DGKI: variants seen among roughly 807,000 people sequenced by gnomAD.
The protein encoded by DGKI is diacylglycerol kinase iota, also known as DAG kinase iota.
A neutral mutation model predicts 147.5 loss-of-function variants in DGKI; 55 were observed. That is an observed-to-expected ratio of 0.37 (90% CI 0.30 to 0.47). The LOEUF is 0.47. DGKI is among the 20% of genes least tolerant of loss of function. The probability of loss-of-function intolerance (pLI) is 1.00; values close to 1 mark genes in which losing one functional copy is unlikely to be tolerated. For missense variants in DGKI, 1,007 were observed against 1,323.8 expected (o/e 0.76, Z 3.71); for synonymous variants, 469 against 477.1 (o/e 0.98, Z 0.22).
At chr7:137,773,364 A>C (rs980642346) in intron 1 of DGKI, among the ~76,000 whole-genome samples, 2 of 152,210 alleles carry the variant, frequency 1.3e-5, no homozygotes, top group African/African-American at 4.8e-5. Context: ...AGAAGATACT[A>C]TCAGGCGTTT....
At chr7:137,629,241 T>C (rs887365953) in intron 6 of DGKI, among the ~76,000 whole-genome samples, 1 of 152,222 alleles carries the variant, frequency 6.6e-6, no homozygotes, top group Non-Finnish European at 1.5e-5. Flanking sequence ...AAAAAGTACT[T>C]TTATGTATTT....
At chr7:137,653,290 T>C (rs1822102809) in intron 5 of DGKI, among the ~76,000 whole-genome samples, 1 of 152,262 alleles carries the variant, frequency 6.6e-6, no homozygotes, top group Admixed American at 6.5e-5. Context: ...TCACCATTAT[T>C]TCTTGCCTAG....
At chr7:137,414,743 C>T (rs1440360629) in intron 28 of DGKI, among the ~76,000 whole-genome samples, 1 of 152,036 alleles carries the variant, frequency 6.6e-6, no homozygotes, top group African/African-American at 2.4e-5. Context: ...GGCCTACAGA[C>T]AGTGAAAAAA....
In DGKI at chr7:137,722,727, G is replaced by C. The variant is rs903635453; in HGVS notation, c.402-32725C>G. On this transcript the variant is annotated intron_variant, in intron 1 of 32. Coordinates refer to ENST00000614521, the MANE Select transcript of DGKI (RefSeq NM_001321708.2). ...AATATGAGATTACGGAGCAGTGCAA[G>C]ATTGAGCAGAAAGCTGTGGACTCAC... The C allele has an allele frequency of 2.5e-6, 4 of 1,580,642 alleles. No homozygotes were observed. In the South Asian group the frequency reaches 4.4e-5, roughly 18 times the overall value.
At chr7:137,475,298 T>C (rs929289333) in intron 23 of DGKI, among the ~76,000 whole-genome samples, 5 of 152,220 alleles carry the variant, frequency 3.3e-5, no homozygotes, top group Admixed American at 3.3e-4. Context: ...TGCCATTTGT[T>C]GGTTTGGTGC....
At chr7:137,504,547 GGTATT>G (rs1164366580) in intron 21 of DGKI, among the ~76,000 whole-genome samples, 1 of 152,208 alleles carries the variant, frequency 6.6e-6, no homozygotes, top group East Asian at 1.9e-4. Flanking sequence ...AAATAGGAAA[GGTATT>G]GAACAATATG....
intron 13 of DGKI, among the ~76,000 whole-genome samples, chr7:137,585,757 G>T (rs1306611090): frequency 6.6e-6 from 1 of 152,168 alleles, no homozygotes; most frequent in Non-Finnish European, 1.5e-5. Flanking sequence ...GATTGACAAT[G>T]CTTATCTATT....
intron 1 of DGKI, among the ~76,000 whole-genome samples, chr7:137,749,865 C>T (rs1795445735): frequency 6.6e-6 from 1 of 152,028 alleles, no homozygotes; most frequent in African/African-American, 2.4e-5. Context: ...GTCCTGATTC[C>T]AGACATAGCC....
chr7:137,770,020 G>C (rs186404997), intron 1 of DGKI, among the ~76,000 whole-genome samples: 1 of 152,168 alleles, frequency 6.6e-6, no homozygotes, highest in Admixed American at 6.5e-5. Flanking sequence ...AGACACATGC[G>C]TATGTATGTT....
intron 28 of DGKI, among the ~76,000 whole-genome samples, chr7:137,419,701 A>G (rs1011220873): frequency 1.5e-4 from 23 of 152,342 alleles, no homozygotes; most frequent in African/African-American, 5.3e-4. Flanking sequence ...GGCATACTGA[A>G]TAAGTCCAAG....
intron 21 of DGKI, among the ~76,000 whole-genome samples, chr7:137,497,290 G>A (rs1770213016): frequency 6.6e-6 from 1 of 151,976 alleles, no homozygotes; most frequent in African/African-American, 2.4e-5. Flanking sequence ...GTCAAAACAT[G>A]ACAGATGCTG....
intron 1 of DGKI, among the ~76,000 whole-genome samples, chr7:137,707,987 C>G (rs1036814829): frequency 6.6e-6 from 1 of 152,070 alleles, no homozygotes; most frequent in Non-Finnish European, 1.5e-5. Context: ...AAGACTAGAC[C>G]CCTATCCCTA....
chr7:137,428,876 C>T (rs1353643832), intron 28 of DGKI, among the ~76,000 whole-genome samples: 1 of 152,104 alleles, frequency 6.6e-6, no homozygotes, highest in African/African-American at 2.4e-5. Flanking sequence ...AGGAGAACTA[C>T]AAACAACTGC....
chr7:137,778,396 G>A (rs970978528), intron 1 of DGKI, among the ~76,000 whole-genome samples: 4 of 152,172 alleles, frequency 2.6e-5, no homozygotes, highest in African/African-American at 9.7e-5. Flanking sequence ...AGAAAGCAAT[G>A]AAGAGTCATT....
At chr7:137,524,939 G>C (rs968448156) in intron 20 of DGKI, among the ~76,000 whole-genome samples, 3 of 152,114 alleles carry the variant, frequency 2.0e-5, no homozygotes, top group Non-Finnish European at 4.4e-5. Flanking sequence ...GGGCTTACCA[G>C]TGTGTATCAC....
At chr7:137,520,360 G>A (rs1816919995) in intron 21 of DGKI, among the ~76,000 whole-genome samples, 1 of 152,038 alleles carries the variant, frequency 6.6e-6, no homozygotes, top group Non-Finnish European at 1.5e-5. Flanking sequence ...GTAACCTTTA[G>A]AACTCAATTT....
chr7:137,419,741 A>C (rs1007956756), intron 28 of DGKI, among the ~76,000 whole-genome samples: 1 of 152,222 alleles, frequency 6.6e-6, no homozygotes, highest in East Asian at 1.9e-4. Flanking sequence ...GAATTATATA[A>C]ATTTCTAAAG....
intron 23 of DGKI, among the ~76,000 whole-genome samples, chr7:137,479,846 A>AT (rs918483584): frequency 5.9e-5 from 9 of 152,036 alleles, no homozygotes; most frequent in South Asian, 2.1e-4. Context: ...CCATCTATCC[A>AT]TTTTTTTAAC....
At chr7:137,759,396 C>T (rs1240625695) in intron 1 of DGKI, among the ~76,000 whole-genome samples, 1 of 151,548 alleles carries the variant, frequency 6.6e-6, no homozygotes, top group East Asian at 1.9e-4. Flanking sequence ...GGCTGGAGTG[C>T]GATGGCGCGA....
Sources: allele counts gnomAD v4.1 joint callset (sites outside exome capture counted in the v4.1 genomes callset), GRCh38; gene constraint gnomAD v4.1.1; transcripts MANE v1.5; gene names NCBI Gene and HGNC (gene_info 2026-07-23, HGNC 2026-07-21).